Variants in CCDC7 observed in about 807,000 individuals in gnomAD.
The protein encoded by CCDC7 is coiled-coil domain containing 7.
Under a neutral mutation model 196.9 loss-of-function variants are expected in CCDC7, and 183 were observed. That is an observed-to-expected ratio of 0.93 (90% CI 0.82 to 1.05). CCDC7 has a LOEUF of 1.05. CCDC7 is among the 50% of genes least tolerant of loss of function. CCDC7 has a pLI of 0.00. For missense variants in CCDC7, 1,540 were observed against 1,482.2 expected, an observed-to-expected ratio of 1.04 and a Z score of -0.64; for synonymous variants, 525 against 484.6, an observed-to-expected ratio of 1.08 and a Z score of -1.10.
chr10:32,669,187 G>A (rs761985995), intron 21 of CCDC7, among the ~76,000 whole-genome samples: 15 of 151,966 alleles, frequency 9.9e-5, no homozygotes, highest in Admixed American at 2.6e-4. Context: ...TTCTGTTAAT[G>A]TGATGTATCA....
At chr10:32,663,237 T>C (rs1285488883) in intron 20 of CCDC7, among the ~76,000 whole-genome samples, 1 of 152,140 alleles carries the variant, frequency 6.6e-6, no homozygotes, top group African/African-American at 2.4e-5. Context: ...TTTTGATTGG[T>C]GTGCAATATG....
rs572069829 is a variant in CCDC7, at chr10:32,729,955, A to G, written c.2905+498A>G. 2.6e-5 allele frequency among the ~76,000 whole-genome samples: 4 copies of G among 152,210 alleles called. No individual in the cohort carries two copies. In the South Asian group the frequency reaches 6.2e-4, roughly 24 times the overall value. ...GTTTCTTTGTGATTTTGCTATGTCTATCGTAAGAAACTTACAATTGTATAT... is the reference window on the plus strand; with the variant it reads ...GTTTCTTTGTGATTTTGCTATGTCTGTCGTAAGAAACTTACAATTGTATAT... On this transcript the variant is annotated intron_variant, in intron 28 of 41. Transcript: ENST00000639629.
intron 29 of CCDC7, among the ~76,000 whole-genome samples, chr10:32,796,703 T>C (rs1428302895): frequency 6.6e-6 from 1 of 152,204 alleles, no homozygotes; most frequent in African/African-American, 2.4e-5. Context: ...TTTCACACTT[T>C]ATGAGATATC....
rs536543776 is a variant in CCDC7, at chr10:32,731,449, T to G, written c.2905+1992T>G. Among the ~76,000 whole-genome samples the G allele has an allele frequency of 9.8e-5, 15 of 152,286 alleles. 1 individual carries two copies. In the Middle Eastern group the frequency reaches 0.014, roughly 138 times the overall value. On this transcript the variant is annotated intron_variant, in intron 28 of 41. Coordinates refer to ENST00000639629, the Ensembl canonical transcript of CCDC7. ...TTTTGGGTGAGGGTGCTTTTCAGTT[T>G]TTTTTTGTCTGATTCAGATTACTTT...
intron 28 of CCDC7, among the ~76,000 whole-genome samples, chr10:32,744,768 A>G (rs980479231): frequency 4.6e-5 from 7 of 152,110 alleles, no homozygotes; most frequent in Non-Finnish European, 1.0e-4. Context: ...CTGTGGCATG[A>G]CTTTTCATTC....
intron 8 of CCDC7, among the ~76,000 whole-genome samples, chr10:32,491,449 A>T (rs565170658): frequency 6.6e-6 from 1 of 152,234 alleles, no homozygotes; most frequent in East Asian, 1.9e-4. Flanking sequence ...TCTTTGATAC[A>T]GTTGTAAAGC....
chr10:32,445,980 A>G (rs2030813810), upstream of CCDC7, among the ~76,000 whole-genome samples: 1 of 152,214 alleles, frequency 6.6e-6, no homozygotes, highest in Non-Finnish European at 1.5e-5. Flanking sequence ...AGAAAGGAGG[A>G]GGCCGATGTG....
chr10:32,466,987 A>G (rs1353775363), intron 5 of CCDC7, among the ~76,000 whole-genome samples: 1 of 152,054 alleles, frequency 6.6e-6, no homozygotes, highest in Non-Finnish European at 1.5e-5. Context: ...ATGAGGTGGT[A>G]TCTCATTGTG....
At chr10:32,462,618 ATATT>A in intron 3 of CCDC7, 61 bp from the exon 5 acceptor site, 1 of 1,217,088 alleles carries the variant, frequency 8.2e-7, no homozygotes, top group Non-Finnish European at 1.1e-6. Flanking sequence ...ACTGAACTAA[ATATT>A]ATATTATACA....
chr10:32,562,748 A>G (rs2055972223), intron 13 of CCDC7, among the ~76,000 whole-genome samples: 1 of 151,986 alleles, frequency 6.6e-6, no homozygotes, highest in Admixed American at 6.5e-5. Flanking sequence ...CAAGACAGGG[A>G]TGCCCTCTCT....
intron 30 of CCDC7, among the ~76,000 whole-genome samples, chr10:32,808,271 G>A (rs1403082591): frequency 6.6e-6 from 1 of 152,104 alleles, no homozygotes; most frequent in Non-Finnish European, 1.5e-5. Context: ...GGGGCCAGGG[G>A]ATTACCTTGC....
intron 9 of CCDC7, chr10:32,511,411 G>C (rs953091820): frequency 5.8e-5 from 93 of 1,609,880 alleles, no homozygotes; most frequent in Non-Finnish European, 7.7e-5. Flanking sequence ...CTGCACCTCT[G>C]TCCAGCTTGC....
At chr10:32,813,419 G>A (rs1002676574) in intron 30 of CCDC7, among the ~76,000 whole-genome samples, 1 of 152,098 alleles carries the variant, frequency 6.6e-6, no homozygotes, top group African/African-American at 2.4e-5. Flanking sequence ...CTTGATTCAT[G>A]TTCAAGGGAC....
intron 23 of CCDC7, among the ~76,000 whole-genome samples, chr10:32,691,035 G>C (rs759512023): frequency 1.3e-5 from 2 of 152,170 alleles, no homozygotes; most frequent in African/African-American, 2.4e-5. Flanking sequence ...GTATCCTAAT[G>C]GCCCTAGAAA....
Position 32,456,212 on chromosome 10 carries a change from C to T in CCDC7, c.373-39C>T, listed in dbSNP as rs779362002. The T allele has an allele frequency of 4.6e-5, 68 of 1,465,368 alleles. No individual in the cohort carries two copies. The South Asian group carries it at 8.8e-4, about 19-fold the overall frequency. The allele number at this position is 1,465,368 out of a possible 1,614,324, so 90.8% of individuals were successfully genotyped here. A position where few individuals can be genotyped will look rare whatever the true frequency, so the allele number is the denominator to read the frequency against. On this transcript the variant is annotated intron_variant, in intron 2 of 41. Transcript: ENST00000639629. ...AAAAAGACAGACATGCATATGGATT[C>T]TTAAATGTAACTTTATGTTTTATTA...
At chr10:32,489,593 G>A (rs1466700540) in intron 8 of CCDC7, among the ~76,000 whole-genome samples, 1 of 152,192 alleles carries the variant, frequency 6.6e-6, no homozygotes, top group Non-Finnish European at 1.5e-5. Context: ...GTGGACTGGA[G>A]TGTGAACACA....
intron 30 of CCDC7, among the ~76,000 whole-genome samples, chr10:32,813,055 A>ATT (rs2087527201): frequency 6.6e-6 from 1 of 152,090 alleles, no homozygotes; most frequent in South Asian, 2.1e-4. Flanking sequence ...TAATGCAACC[A>ATT]TTTACATTAT....
At chr10:32,685,129 T>C (rs1208908725) in intron 21 of CCDC7, among the ~76,000 whole-genome samples, 1 of 151,992 alleles carries the variant, frequency 6.6e-6, no homozygotes, top group African/African-American at 2.4e-5. Context: ...TAAAGCTAAG[T>C]ATCTTTCTAA....
intron 24 of CCDC7, 68 bp from the exon 26 acceptor site, chr10:32,711,551 AT>A (rs1176812554): frequency 8.5e-6 from 8 of 942,536 alleles, no homozygotes; most frequent in Non-Finnish European, 1.3e-5. Flanking sequence ...CTTGTTATAA[AT>A]TTGAACTCTA....
Sources: gnomAD v4.1 joint callset for allele counts (sites outside exome capture counted in the v4.1 genomes callset) on GRCh38, gnomAD v4.1.1 for gene constraint, MANE v1.5 for transcripts, NCBI Gene and HGNC (gene_info 2026-07-23, HGNC 2026-07-21) for gene names.